Variants in EZH2 observed in about 807,000 individuals in gnomAD.
The protein encoded by EZH2 is enhancer of zeste 2 polycomb repressive complex 2 subunit, also known as histone-lysine N-methyltransferase EZH2.
EZH2 carries 18 observed loss-of-function variants against 98.4 expected under a neutral mutation model. The observed-to-expected ratio is 0.18, with a 90% confidence interval of 0.13 to 0.27. The LOEUF (loss-of-function observed/expected upper bound fraction) is 0.27, where lower values mean the gene tolerates loss of function less well. Ranked by LOEUF, EZH2 falls within the 10% of genes least tolerant of loss-of-function variation. The probability of loss-of-function intolerance (pLI) is 1.00; values close to 1 mark genes in which losing one functional copy is unlikely to be tolerated. For synonymous variants in EZH2, 338 were observed against 312.3 expected, an observed-to-expected ratio of 1.08 and a Z score of -0.87; for missense variants, 470 against 935.1, an observed-to-expected ratio of 0.50 and a Z score of 6.49.
At chr7:148,844,699 T>C (rs1455674115) in intron 3 of EZH2, among the ~76,000 whole-genome samples, 1 of 152,204 alleles carries the variant, frequency 6.6e-6, no homozygotes, top group Non-Finnish European at 1.5e-5. Context: ...TCACGAACAT[T>C]AGGTATCTTT....
chr7:148,876,642 G>A (rs1336717404), intron 1 of EZH2, among the ~76,000 whole-genome samples: 1 of 152,136 alleles, frequency 6.6e-6, no homozygotes, highest in African/African-American at 2.4e-5. Context: ...CAACAGATTG[G>A]TTTGCTGCGT....
intron 12 of EZH2, among the ~76,000 whole-genome samples, chr7:148,815,748 A>G (rs981327237): frequency 1.3e-5 from 2 of 152,212 alleles, no homozygotes; most frequent in Non-Finnish European, 2.9e-5. Context: ...GTGTGGCAAG[A>G]CGTCATTTCC....
chr7:148,827,026 T>G, intron 7 of EZH2, 138 bp downstream of exon 7: 2 of 622,772 alleles, frequency 3.2e-6, no homozygotes, highest in South Asian at 5.0e-5. Context: ...CAAGTACACA[T>G]GTTGCTTCAA....
At chr7:148,866,596 CTATA>C (rs1296849905) in intron 1 of EZH2, among the ~76,000 whole-genome samples, 3 of 110,016 alleles carry the variant, frequency 2.7e-5, no homozygotes, top group Non-Finnish European at 6.0e-5. Flanking sequence ...ATTGTATACA[CTATA>C]TATTATATAT....
rs528901449 is a variant in EZH2 at position 148,877,442 on chromosome 7, T to C, written c.-8+6722A>G. 7.9e-5 allele frequency among the ~76,000 whole-genome samples: 12 copies of C among 152,320 alleles called. 1 individual carries two copies. In the South Asian group the frequency reaches 2.5e-3, roughly 32 times the overall value. ...AAGTACATCAACTCTAAAATAATAT[T>C]GGCACAATAACTGAAAATCATTTAT... On this transcript the variant is annotated intron_variant, in intron 1 of 19. Transcript: ENST00000320356.
intron 7 of EZH2, 40 bp downstream of exon 7, chr7:148,827,124 C>A: frequency 1.3e-6 from 2 of 1,498,048 alleles, no homozygotes; most frequent in Admixed American, 1.8e-5. Flanking sequence ...GAGTTACATA[C>A]CATACAGGGC....
intron 1 of EZH2, among the ~76,000 whole-genome samples, chr7:148,847,537 T>C (rs1043584878): frequency 3.9e-5 from 6 of 152,198 alleles, no homozygotes; most frequent in Non-Finnish European, 7.4e-5. Context: ...CTACACTAAA[T>C]TGCGGCCATA....
At chr7:148,883,853 G>A (rs13311841) in intron 1 of EZH2, among the ~76,000 whole-genome samples, 5 of 151,732 alleles carry the variant, frequency 3.3e-5, no homozygotes, top group African/African-American at 4.8e-5. Flanking sequence ...CCCGGCCCCG[G>A]CGCCCCGGCC....
intron 3 of EZH2, among the ~76,000 whole-genome samples, chr7:148,846,101 C>A (rs1813942966): frequency 6.6e-6 from 1 of 152,170 alleles, no homozygotes; most frequent in Non-Finnish European, 1.5e-5. Context: ...AATATTAAAA[C>A]ATTTCTTACC....
intron 1 of EZH2, among the ~76,000 whole-genome samples, chr7:148,873,193 G>C (rs1819662824): frequency 1.3e-5 from 2 of 150,352 alleles, no homozygotes; most frequent in African/African-American, 4.9e-5. Context: ...AAAAAGAAAA[G>C]AAAAAAGAAA....
At position 148,826,402 on chromosome 7, in the gene EZH2, C is replaced by CAA. The variant is rs547939022; in HGVS notation, c.907+50_907+51dup. On this transcript the variant is annotated intron_variant, in intron 8 of 19. Transcript: ENST00000320356. ...AGTTGTAATAAATGATAGCACTCTC[C>CAA]AAGCTGCTTTAAAACATAATTCCAC... The CAA allele has an allele frequency of 5.1e-5, 72 of 1,405,586 alleles. 2 individuals carry two copies. In the South Asian group the frequency reaches 1.2e-3, roughly 23 times the overall value. 87.1% of individuals were successfully genotyped at this position (1,405,586 alleles called of 1,614,324 possible).
At chr7:148,840,416 A>C (rs923852502) in intron 3 of EZH2, among the ~76,000 whole-genome samples, 1 of 152,184 alleles carries the variant, frequency 6.6e-6, no homozygotes, top group Non-Finnish European at 1.5e-5. Context: ...TCTGGCCAAT[A>C]ATTTTTAAAA....
chr7:148,813,060 C>T (rs922530308), intron 15 of EZH2, among the ~76,000 whole-genome samples: 1 of 141,040 alleles, frequency 7.1e-6, no homozygotes, highest in Admixed American at 6.9e-5. Flanking sequence ...CATACACACA[C>T]ACACACACAC....
chr7:148,808,083 AATG>A (rs991853256), intron 19 of EZH2, among the ~76,000 whole-genome samples: 2 of 152,198 alleles, frequency 1.3e-5, no homozygotes, highest in South Asian at 2.1e-4. Context: ...GTCTGGAAAA[AATG>A]ATGACCATAG....
intron 14 of EZH2, 100 bp from the exon 15 acceptor site, chr7:148,814,237 A>C: frequency 3.1e-6 from 3 of 981,538 alleles, no homozygotes; most frequent in Non-Finnish European, 4.6e-6. Flanking sequence ...ACTGACTCTC[A>C]ACCCTCACAA....
chr7:148,812,793 A>G (rs1011054125), intron 15 of EZH2, among the ~76,000 whole-genome samples: 3 of 152,220 alleles, frequency 2.0e-5, no homozygotes, highest in Non-Finnish European at 2.9e-5. Context: ...AAATGGACAT[A>G]TAACTGCCTA....
At chr7:148,861,636 T>C (rs1817678006) in intron 1 of EZH2, among the ~76,000 whole-genome samples, 1 of 152,028 alleles carries the variant, frequency 6.6e-6, no homozygotes, top group Non-Finnish European at 1.5e-5. Context: ...CTAATATAAA[T>C]AACACATTTT....
chr7:148,870,359 T>A (rs944403550), intron 1 of EZH2, among the ~76,000 whole-genome samples: 1 of 152,186 alleles, frequency 6.6e-6, no homozygotes, highest in Non-Finnish European at 1.5e-5. Flanking sequence ...CAGAATTTTA[T>A]GAATAAGGAT....
chr7:148,811,394 A>C (rs1584886436), intron 16 of EZH2, among the ~76,000 whole-genome samples: 1 of 152,006 alleles, frequency 6.6e-6, no homozygotes. Context: ...CAAGCAATCC[A>C]CCTGCCTCGG....
Sources: gnomAD v4.1 joint callset for allele counts (sites outside exome capture counted in the v4.1 genomes callset) on GRCh38, gnomAD v4.1.1 for gene constraint, MANE v1.5 for transcripts, NCBI Gene and HGNC (gene_info 2026-07-23, HGNC 2026-07-21) for gene names.